Variants in KCNN3 observed in about 807,000 individuals in gnomAD.
KCNN3 encodes the protein potassium calcium-activated channel subfamily N member 3, also known as small conductance calcium-activated potassium channel protein 3.
In KCNN3, 16 loss-of-function variants were observed where a neutral mutation model predicts 62.9. The ratio of observed to expected loss-of-function variants is 0.25; its 90% CI spans 0.17 to 0.39. The LOEUF (loss-of-function observed/expected upper bound fraction) is 0.39, where lower values mean the gene tolerates loss of function less well. Among genes scored for constraint, KCNN3 ranks in the 10% least tolerant of loss-of-function variants. The probability of loss-of-function intolerance (pLI) is 1.00; values close to 1 mark genes in which losing one functional copy is unlikely to be tolerated. For missense variants in KCNN3, 599 were observed against 949.4 expected (o/e 0.63, Z 4.85); for synonymous variants, 370 against 389.2 (o/e 0.95, Z 0.58).
intron 3 of KCNN3, among the ~76,000 whole-genome samples, chr1:154,748,478 CATTTT>C (rs1700988155): frequency 6.6e-6 from 1 of 152,132 alleles, no homozygotes; most frequent in Admixed American, 6.5e-5. Context: ...CTTCTCATTT[CATTTT>C]ATTTCTGGGG....
chr1:154,805,000 G>C (rs1650109335), intron 2 of KCNN3, among the ~76,000 whole-genome samples: 1 of 152,210 alleles, frequency 6.6e-6, no homozygotes, highest in South Asian at 2.1e-4. Flanking sequence ...TATACAAAGA[G>C]GACATTAAAA....
intron 3 of KCNN3, among the ~76,000 whole-genome samples, chr1:154,735,285 A>T (rs538596555): frequency 3.8e-4 from 58 of 152,358 alleles, no homozygotes; most frequent in African/African-American, 1.4e-3. Flanking sequence ...TCCCGCGAGC[A>T]CATCAATGGT....
At chr1:154,839,251 T>C (rs919227954) in intron 1 of KCNN3, among the ~76,000 whole-genome samples, 3 of 151,936 alleles carry the variant, frequency 2.0e-5, no homozygotes, top group Non-Finnish European at 4.4e-5. Context: ...CAGGGCGCAG[T>C]TGTGCTCCCT....
At chr1:154,777,938 G>T (rs1307812974) in intron 2 of KCNN3, among the ~76,000 whole-genome samples, 2 of 152,230 alleles carry the variant, frequency 1.3e-5, no homozygotes, top group East Asian at 3.8e-4. Flanking sequence ...CCCTGAATGG[G>T]AAAAGGAAAG....
intron 1 of KCNN3, among the ~76,000 whole-genome samples, chr1:154,848,838 C>A (rs957620564): frequency 6.6e-6 from 1 of 152,208 alleles, no homozygotes; most frequent in Non-Finnish European, 1.5e-5. Context: ...GCCTCTCTAC[C>A]GCACTTAGCA....
intron 4 of KCNN3, among the ~76,000 whole-genome samples, chr1:154,730,605 A>AC (rs1700570991): frequency 6.6e-6 from 1 of 152,150 alleles, no homozygotes; most frequent in African/African-American, 2.4e-5. Flanking sequence ...ACTGTGGCTG[A>AC]CCCCAGAGTG....
chr1:154,798,933 T>C (rs1347576026), intron 2 of KCNN3, among the ~76,000 whole-genome samples: 2 of 117,710 alleles, frequency 1.7e-5, no homozygotes, highest in African/African-American at 6.0e-5. Context: ...TTTTTTTTTT[T>C]TTGAGACAGA....
At chr1:154,753,021 A>G (rs534892279) in intron 3 of KCNN3, among the ~76,000 whole-genome samples, 2 of 152,288 alleles carry the variant, frequency 1.3e-5, no homozygotes, top group African/African-American at 4.8e-5. Context: ...AATAATGAAA[A>G]GCCTCCAGAC....
chr1:154,825,000 G>A (rs535679344), intron 1 of KCNN3, among the ~76,000 whole-genome samples: 15 of 152,264 alleles, frequency 9.9e-5, no homozygotes, highest in Non-Finnish European at 1.5e-4. Flanking sequence ...TTAACCAACC[G>A]CTTTTAATAG....
chr1:154,861,993 C>T (rs1652789545), intron 1 of KCNN3, among the ~76,000 whole-genome samples: 1 of 152,170 alleles, frequency 6.6e-6, no homozygotes, highest in Admixed American at 6.5e-5. Flanking sequence ...CTGCCCATGA[C>T]AGAGCTCAAC....
chr1:154,771,709 T>G lies in KCNN3; in HGVS notation c.1448+266A>C, dbSNP rs542005023. 3.9e-3 allele frequency among the ~76,000 whole-genome samples: 594 copies of G among 152,338 alleles called. 6 individuals carry two copies. Among genetic ancestry groups the G allele is most frequent in the African/African-American group, 0.014 (571 of 41,578 alleles). On this transcript the variant is annotated intron_variant, in intron 3 of 7. Transcript: ENST00000271915. ...ATGTGAGTTACTGATGTAACCAGAATGCTTTGATATATTGGTTTGCAAAGA... is the reference window on the plus strand; with the variant it reads ...ATGTGAGTTACTGATGTAACCAGAAGGCTTTGATATATTGGTTTGCAAAGA...
chr1:154,814,778 G>A (rs1190855920), intron 2 of KCNN3, among the ~76,000 whole-genome samples: 2 of 152,232 alleles, frequency 1.3e-5, no homozygotes, highest in Non-Finnish European at 2.9e-5. Context: ...GGGCCCAGTT[G>A]GTGGTGTAGC....
At chr1:154,823,336 T>C (rs566913390) in intron 1 of KCNN3, among the ~76,000 whole-genome samples, 1 of 152,306 alleles carries the variant, frequency 6.6e-6, no homozygotes, top group South Asian at 2.1e-4. Context: ...CACTTGGTCC[T>C]GAGTGGTGCA....
Position 154,772,536 on chromosome 1 carries a change from C to G in KCNN3, c.1030-143G>C. The G allele has an allele frequency of 1.3e-6, 1 of 771,250 alleles. No homozygotes were observed. The highest frequency in any genetic ancestry group is 1.5e-5 in the South Asian group (1 of 65,636). 47.8% of individuals were successfully genotyped at this position (771,250 alleles called of 1,614,324 possible). A position where few individuals can be genotyped will look rare whatever the true frequency, so the allele number is the denominator to read the frequency against. The stretch of plus-strand genomic sequence containing the variant: ...CTCAGCATGCTCTTTAGGGGCCTTG[C>G]TATGTGGCAAGAGCCCTGTATGTGG... On this transcript the variant is annotated intron_variant, in intron 2 of 7. Transcript: ENST00000271915. The surrounding 1 kb of genome is among the most constrained non-coding windows in gnomAD (Gnocchi z 5.6).
chr1:154,751,128 C>T (rs1057477962), intron 3 of KCNN3, among the ~76,000 whole-genome samples: 10 of 152,210 alleles, frequency 6.6e-5, no homozygotes, highest in Non-Finnish European at 1.3e-4. Flanking sequence ...AGTCCAGTCC[C>T]AGGAGAGAGA....
chr1:154,718,848 T>A (rs1700285844), intron 5 of KCNN3, among the ~76,000 whole-genome samples: 1 of 152,198 alleles, frequency 6.6e-6, no homozygotes, highest in South Asian at 2.1e-4. Context: ...TTAGCACAGA[T>A]CCTGGCCATA....
At chr1:154,824,899 G>A (rs558796317) in intron 1 of KCNN3, among the ~76,000 whole-genome samples, 18 of 152,272 alleles carry the variant, frequency 1.2e-4, no homozygotes, top group African/African-American at 3.6e-4. Context: ...CTCCAGCCCT[G>A]TGGGATGACC....
chr1:154,858,998 T>A lies in KCNN3; in HGVS notation c.933+10034A>T, dbSNP rs377173311. On this transcript the variant is annotated intron_variant, in intron 1 of 7. Coordinates refer to ENST00000271915, the MANE Select transcript of KCNN3 (RefSeq NM_002249.6). ...CTGGCTGGCCTACAGAGCTTGGCCA[T>A]CTAGGGCAGGTATGGTGCCCCCCTG... Among the ~76,000 whole-genome samples, 18 of 152,260 alleles carry A rather than the reference T, an allele frequency of 1.2e-4. No individual in the cohort carries two copies. In the South Asian group the frequency reaches 1.9e-3, roughly 16 times the overall value.
chr1:154,828,011 G>A (rs769634616), intron 1 of KCNN3, among the ~76,000 whole-genome samples: 1 of 152,028 alleles, frequency 6.6e-6, no homozygotes, highest in East Asian at 1.9e-4. Flanking sequence ...AGAGACAGCC[G>A]ATGCTGTCAC....
Sources: allele counts gnomAD v4.1 joint callset (sites outside exome capture counted in the v4.1 genomes callset), GRCh38; gene constraint gnomAD v4.1.1; non-coding constraint Gnocchi (gnomAD v3.1); transcripts MANE v1.5; gene names NCBI Gene and HGNC (gene_info 2026-07-23, HGNC 2026-07-21).